NEFM: variants seen among roughly 807,000 people sequenced by gnomAD.
NEFM encodes neurofilament medium chain.
A neutral mutation model predicts 48.1 loss-of-function variants in NEFM; 16 were observed. The observed-to-expected ratio is 0.33, with a 90% CI of 0.23 to 0.51. The LOEUF (loss-of-function observed/expected upper bound fraction) is 0.51, where lower values mean the gene tolerates loss of function less well. Among genes scored for constraint, NEFM ranks in the 20% least tolerant of loss-of-function variants. NEFM has a pLI of 0.98. For missense variants in NEFM, 1,107 were observed against 1,136.0 expected (o/e 0.97, Z 0.37); for synonymous variants, 465 against 456.9 (o/e 1.02, Z -0.23).
chr8:24,915,029 T>A, intron 1 of NEFM, 156 bp downstream of exon 1: 1 of 1,390,840 alleles, frequency 7.2e-7, no homozygotes, highest in Admixed American at 3.6e-5. Flanking sequence ...CGGATCAGCG[T>A]CCTCGCCCAT....
At position 24,915,941 on chromosome 8, in the gene NEFM, A is replaced by T. The variant is rs913720915; in HGVS notation, c.1205+212A>T. On this transcript the variant is annotated intron_variant, in intron 2 of 2. Coordinates refer to ENST00000221166, the MANE Select transcript of NEFM (RefSeq NM_005382.2). ...GCTTTAAAAGAATGAATACTAGTAG[A>T]AACAAAAGGTTTTTGAATTACACAA... is the stretch of plus-strand genomic sequence containing the variant. 3.3e-5 allele frequency among the ~76,000 whole-genome samples: 5 copies of T among 152,238 alleles called. No individual in the cohort carries two copies. The South Asian group carries it at 1.0e-3, about 32-fold the overall frequency.
chr8:24,914,443 A>G lies in NEFM; in HGVS notation c.650A>G (p.Lys217Arg), dbSNP rs1802541095. The stretch of plus-strand genomic sequence containing the variant: ...GACATCGAGGAGGCGTCGCTGGTCA[A>G]GGTGGAGCTGGACAAGAAGGTGCAG... ...RKDIEEASLV[K>R]VELDKKVQSL... Residue 217 changes from lysine to arginine, a missense_variant, in exon 1 of 3, where the codon AAG (lysine) becomes AGG (arginine). Lys to Arg is a conservative substitution (Grantham distance 26). Transcript: ENST00000221166. 1.2e-6 allele frequency: 2 copies of G among 1,613,680 alleles called. No homozygotes were observed. The highest frequency in any genetic ancestry group is 3.3e-5 in the Admixed American group (2 of 59,994).
In NEFM at chr8:24,915,737, G is replaced by GC; in HGVS notation, c.1205+9dup. 6.2e-7 allele frequency: 1 copy of GC among 1,614,056 alleles called. No homozygotes were observed. The highest frequency in any genetic ancestry group is 8.5e-7 in the Non-Finnish European group (1 of 1,179,990). ...AGAAATCGCTGCGTACAGGTACGAT[G>GC]CTTACTACGTGCGTGGCCGGAACAC... On this transcript the variant is annotated intron_variant, in intron 2 of 2. Coordinates refer to ENST00000221166, the MANE Select transcript of NEFM (RefSeq NM_005382.2).
In NEFM at chr8:24,917,700, T is replaced by C. The variant is rs141803581; in HGVS notation, c.1845T>C (p.Ser615=). 19 of 1,613,222 alleles carry C rather than the reference T, an allele frequency of 1.2e-5. No homozygotes were observed. The highest frequency in any genetic ancestry group is 1.5e-5 in the Non-Finnish European group (18 of 1,179,950). The change falls in exon 3 of 3, where the codon TCT becomes TCC. Residue 615 remains serine (S), a synonymous_variant. Transcript: ENST00000221166. ...AKVEKPEKAK[S]PVPKSPVEEK... ...TGGAAAAGCCAGAAAAAGCCAAGTC[T>C]CCTGTGCCAAAATCACCAGTGGAAG...
rs748043489 is a variant in NEFM at position 24,915,609 on chromosome 8, C to T, written c.1085C>T (p.Thr362Ile). 1 of 1,613,832 alleles carries T rather than the reference C, an allele frequency of 6.2e-7. No individual in the cohort carries two copies. Among genetic ancestry groups the T allele is most frequent in the African/African-American group, 1.3e-5 (1 of 74,836 alleles). ...HNHDLSSYQD[T>I]IQQLENELRG... is the part of the protein sequence containing the mutation. The stretch of plus-strand genomic sequence containing the variant: ...GATTCTCTGTGTCTGTTTCAGGACA[C>T]CATCCAGCAGCTGGAAAATGAGCTT... The change falls in exon 2 of 3, where the codon ACC (threonine) becomes ATC (isoleucine). Residue 362 changes from threonine (T) to isoleucine (I), a missense_variant. Thr to Ile is a moderately conservative substitution (Grantham distance 89). Coordinates refer to ENST00000221166, the MANE Select transcript of NEFM (RefSeq NM_005382.2).
At position 24,915,743 on chromosome 8, in the gene NEFM, T is replaced by C. The variant is rs781249697; in HGVS notation, c.1205+14T>C. Reference sequence around the variant, plus strand: ...CGCTGCGTACAGGTACGATGCTTACTACGTGCGTGGCCGGAACACTAACCG... The same window carrying C: ...CGCTGCGTACAGGTACGATGCTTACCACGTGCGTGGCCGGAACACTAACCG... On this transcript the variant is annotated intron_variant, in intron 2 of 2. Transcript: ENST00000221166. 6 of 1,614,082 alleles carry C rather than the reference T, an allele frequency of 3.7e-6. No individual in the cohort carries two copies. Among genetic ancestry groups the C allele is most frequent in the East Asian group, 2.2e-5 (1 of 44,870 alleles).
chr8:24,913,826 G>T lies in NEFM; in HGVS notation c.33G>T (p.Pro11=), dbSNP rs766668087. 7 of 1,610,870 alleles carry T rather than the reference G, an allele frequency of 4.3e-6. No homozygotes were observed. Among genetic ancestry groups the T allele is most frequent in the Non-Finnish European group, 5.9e-6 (7 of 1,179,200 alleles). Residue 11 remains proline, a synonymous_variant, in exon 1 of 3, where the codon CCG becomes CCT. Coordinates refer to ENST00000221166, the MANE Select transcript of NEFM (RefSeq NM_005382.2). ...ACACGTTGGACTCGCTGGGCAACCC[G>T]TCCGCCTACCGGCGGGTAACCGAGA... MSYTLDSLGN[P]SAYRRVTETR...
At chr8:24,915,582 G>A (rs757939700) in intron 1 of NEFM, 23 bp from the exon 2 acceptor site, 2 of 1,614,024 alleles carry the variant, frequency 1.2e-6, no homozygotes, top group Non-Finnish European at 1.7e-6. Context: ...TGAGTCTGGG[G>A]AGATTCTCTG....
At chr8:24,915,855 GC>G in intron 2 of NEFM, 126 bp downstream of exon 2, 1 of 1,237,622 alleles carries the variant, frequency 8.1e-7, no homozygotes, top group Non-Finnish European at 1.2e-6. Flanking sequence ...TGGTTATCTT[GC>G]TTACTTAAAA....
In NEFM at chr8:24,918,137, C is replaced by G; in HGVS notation, c.2282C>G (p.Thr761Ser). The change falls in exon 3 of 3, where the codon ACC (threonine) becomes AGC (serine). Residue 761 changes from threonine to serine, a missense_variant. Physicochemically the swap from Thr to Ser is moderately conservative, Grantham distance 58. This residue lies in a region of NEFM where 917 missense variants were observed against 916.4 expected (regional missense o/e 1.00). Transcript: ENST00000221166. ...GTAAAGGTGCACTTGGAGAAAGAGA[C>G]CAAAGAAGAGGGGAAGCCACTGCAG... The part of the protein sequence containing the change: ...KSVKVHLEKE[T>S]KEEGKPLQQE... 3.2e-6 allele frequency: 5 copies of G among 1,550,986 alleles called. No individual in the cohort carries two copies. Among genetic ancestry groups the G allele is most frequent in the Non-Finnish European group, 3.5e-6 (4 of 1,146,960 alleles).
In NEFM at chr8:24,914,087, C is replaced by T; in HGVS notation, c.294C>T (p.Arg98=). The change falls in exon 1 of 3, where the codon CGC becomes CGT. Residue 98 remains arginine, a synonymous_variant. Coordinates refer to ENST00000221166, the MANE Select transcript of NEFM (RefSeq NM_005382.2). ...SGPGGDYKLS[R]SNEKEQLQGL... is the part of the protein sequence containing the mutation. The stretch of plus-strand genomic sequence containing the variant: ...CCGGCGGCGACTACAAGCTGTCCCG[C>T]TCCAACGAGAAGGAGCAGCTGCAGG... The T allele has an allele frequency of 6.2e-6, 10 of 1,613,044 alleles. No individual in the cohort carries two copies. The highest frequency in any genetic ancestry group is 8.5e-6 in the Non-Finnish European group (10 of 1,179,980).
At position 24,914,823 on chromosome 8, in the gene NEFM, C is replaced by T; in HGVS notation, c.1030C>T (p.Gln344Ter). Residue 344 changes from glutamine to a stop codon, truncating the protein, a stop_gained, in exon 1 of 3, where the codon CAG becomes TAG. Transcript: ENST00000221166. LOFTEE classifies it high-confidence loss of function. ...CGGCACCAAGGAGTCCCTGGAGCGG[C>T]AGCTCAGCGACATCGAGGAGCGCCA... ...VRGTKESLER[Q>*]LSDIEERHNH... The T allele has an allele frequency of 6.2e-7, 1 of 1,601,216 alleles. No homozygotes were observed. The highest frequency in any genetic ancestry group is 8.5e-7 in the Non-Finnish European group (1 of 1,174,788).
At chr8:24,916,141 G>C (rs76275358) in intron 2 of NEFM, among the ~76,000 whole-genome samples, 2 of 152,204 alleles carry the variant, frequency 1.3e-5, no homozygotes, top group Non-Finnish European at 2.9e-5. Context: ...CTGTTTCTCT[G>C]TTATATAGCT....
rs1802617455 is a variant in NEFM at position 24,918,509 on chromosome 8, A to G, written c.2654A>G (p.Glu885Gly). The change falls in exon 3 of 3, where the codon GAG (glutamate) becomes GGG (glycine). Residue 885 changes from glutamate to glycine, a missense_variant. This residue lies in a region of NEFM where 917 missense variants were observed against 916.4 expected (regional missense o/e 1.00). Coordinates refer to ENST00000221166, the MANE Select transcript of NEFM (RefSeq NM_005382.2). ...KSVTVTQKVE[E>G]HEETFEEKLV... The stretch of plus-strand genomic sequence containing the variant: ...GTAACCGTCACTCAAAAGGTTGAAG[A>G]GCATGAAGAGACCTTTGAGGAGAAA... 2.5e-6 allele frequency: 4 copies of G among 1,613,992 alleles called. No individual in the cohort carries two copies. Among genetic ancestry groups the G allele is most frequent in the Non-Finnish European group, 3.4e-6 (4 of 1,180,006 alleles).
At chr8:24,914,956 T>C (rs1802550508) in intron 1 of NEFM, 83 bp downstream of exon 1, 1 of 1,450,536 alleles carries the variant, frequency 6.9e-7, no homozygotes, top group Non-Finnish European at 9.0e-7. Context: ...CCAGGCGCCC[T>C]CTCCGCCGCG....
chr8:24,914,626 A>G lies in NEFM; in HGVS notation c.833A>G (p.Glu278Gly), dbSNP rs769342419. The change falls in exon 1 of 3, where the codon GAA (glutamate) becomes GGA (glycine). Residue 278 changes from glutamate to glycine, a missense_variant. Coordinates refer to ENST00000221166, the MANE Select transcript of NEFM (RefSeq NM_005382.2). Reference protein sequence around the residue: ...TALKEIRSQLESHSDQNMHQA... With the variant: ...TALKEIRSQLGSHSDQNMHQA... ...CTGAAGGAAATCCGCTCCCAGCTCG[A>G]AAGCCACTCAGACCAGAATATGCAC... 13 of 1,614,092 alleles carry G rather than the reference A, an allele frequency of 8.1e-6. No homozygotes were observed. The African/African-American group carries it at 1.7e-4, about 22-fold the overall frequency.
rs182011677 is a variant in NEFM at position 24,913,813 on chromosome 8, C to G, written c.20C>G (p.Ser7Trp). Residue 7 changes from serine to tryptophan, a missense_variant, in exon 1 of 3, where the codon TCG (serine) becomes TGG (tryptophan). Around this residue, in one of 3 missense-constraint regions of NEFM, gnomAD observed 186 missense variants for 200.6 expected, o/e 0.93. Coordinates refer to ENST00000221166, the MANE Select transcript of NEFM (RefSeq NM_005382.2). Reference sequence around the variant, plus strand: ...TCCAAGATGAGCTACACGTTGGACTCGCTGGGCAACCCGTCCGCCTACCGG... The same window carrying G: ...TCCAAGATGAGCTACACGTTGGACTGGCTGGGCAACCCGTCCGCCTACCGG... The part of the protein sequence containing the change: MSYTLD[S>W]LGNPSAYRRV... 110 of 1,609,698 alleles carry G rather than the reference C, an allele frequency of 6.8e-5. No individual in the cohort carries two copies. In the East Asian group the frequency reaches 2.4e-3, roughly 35 times the overall value.
At chr8:24,915,847 G>T in intron 2 of NEFM, 118 bp downstream of exon 2, 2 of 1,302,532 alleles carry the variant, frequency 1.5e-6, no homozygotes, top group Non-Finnish European at 2.2e-6. Context: ...TCAGCACCTG[G>T]TTATCTTGCT....
At position 24,918,705 on chromosome 8, in the gene NEFM, G is replaced by A. The variant is rs999156897; in HGVS notation, c.*99G>A. On this transcript the variant is annotated 3_prime_UTR_variant, in exon 3 of 3. Coordinates refer to ENST00000221166, the MANE Select transcript of NEFM (RefSeq NM_005382.2). The stretch of plus-strand genomic sequence containing the variant: ...AACGGGTTCTCCCATGGGGGCTCCA[G>A]ACATTGTATTTTACTTTGTGCAATA... 2.3e-6 allele frequency: 2 copies of A among 885,860 alleles called. No homozygotes were observed. Among genetic ancestry groups the A allele is most frequent in the African/African-American group, 3.3e-5 (2 of 61,208 alleles). The allele number at this position is 885,860 out of a possible 1,614,324, so 54.9% of individuals were successfully genotyped here.
Sources: allele counts gnomAD v4.1 joint callset (sites outside exome capture counted in the v4.1 genomes callset), GRCh38; gene constraint gnomAD v4.1.1; regional missense constraint gnomAD v4.1.1; transcripts MANE v1.5; gene names NCBI Gene and HGNC (gene_info 2026-07-23, HGNC 2026-07-21).